The following SLU7 variants were observed in gnomAD, a reference collection of about 807,000 sequenced individuals.
The protein encoded by SLU7 is pre-mRNA-splicing factor SLU7.
In SLU7, 60 loss-of-function variants were observed where a neutral mutation model predicts 87.0. That is an observed-to-expected ratio of 0.69 (90% confidence interval 0.56 to 0.86). The LOEUF (loss-of-function observed/expected upper bound fraction) is 0.86. Among genes scored for constraint, SLU7 ranks in the 40% least tolerant of loss-of-function variants. The pLI, the probability that SLU7 is intolerant of heterozygous loss-of-function variation, is 0.00. For synonymous variants in SLU7, 197 were observed against 222.0 expected, an observed-to-expected ratio of 0.89 and a Z score of 1.00; for missense variants, 507 against 686.6, an observed-to-expected ratio of 0.74 and a Z score of 2.92.
At chr5:160,415,398 G>A (rs996025182) in intron 1 of SLU7, 88 bp from the exon 2 acceptor site, 2 of 955,110 alleles carry the variant, frequency 2.1e-6, no homozygotes, top group Non-Finnish European at 2.9e-6. Context: ...AATATATACT[G>A]TTTCATATGT....
chr5:160,414,317 A>G lies in SLU7; in HGVS notation c.324+2T>C. 6.3e-7 allele frequency: 1 copy of G among 1,592,998 alleles called. No homozygotes were observed. Among genetic ancestry groups the G allele is most frequent in the Admixed American group, 1.8e-5 (1 of 54,688 alleles). ...GAAGATGTATACAGGTTGCCTACAT[A>G]CCTCTTTTACACCCCTCTTGTACCA... On this transcript the variant is annotated splice_donor_variant, in intron 3 of 15. Coordinates refer to ENST00000297151, the MANE Select transcript of SLU7 (RefSeq NM_006425.5). LOFTEE classifies it high-confidence loss of function.
Position 160,404,475 on chromosome 5 carries a change from C to T in SLU7, c.1546G>A (p.Asp516Asn), listed in dbSNP as rs376183378. ...TTTTCATGCTTCTTTTCTTCATCAT[C>T]ACTATCTGAACTGCTCTTTCGATGC... ...KKHRKSSSDS[D>N]DEEKKHEKLK... The change falls in exon 15 of 16, where the codon GAT becomes AAT. Residue 516 changes from aspartate to asparagine, a missense_variant. Physicochemically the swap from Asp to Asn is conservative, Grantham distance 23 (BLOSUM62 1). Coordinates refer to ENST00000297151, the MANE Select transcript of SLU7 (RefSeq NM_006425.5). 2.3e-5 allele frequency: 37 copies of T among 1,605,994 alleles called. No homozygotes were observed. The African/African-American group carries it at 4.7e-4, about 20-fold the overall frequency.
intron 15 of SLU7, among the ~76,000 whole-genome samples, chr5:160,403,849 C>T (rs2910180): frequency 0.33 from 50,651 of 151,998 alleles, 8,740 homozygotes; most frequent in South Asian, 0.4. Flanking sequence ...CAATTCTTTC[C>T]GGTCAACATG....
rs1222817773 is a variant in SLU7, at chr5:160,413,942, T to C, written c.362A>G (p.Glu121Gly). ...IITKYRKGAC[E>G]NCGAMTHKKK... The stretch of plus-strand genomic sequence containing the variant: ...TTTGTGTGTCATGGCCCCACAATTT[T>C]CACATGCTCCTTTGCGGTACTTAGT... Residue 121 changes from glutamate (E) to glycine (G), a missense_variant, in exon 4 of 16, where the codon GAA (glutamate) becomes GGA (glycine). Glu to Gly is a moderately conservative substitution (Grantham distance 98). Around this residue, in one of 6 missense-constraint regions of SLU7, gnomAD observed 155 missense variants for 154.4 expected, o/e 1.00. Coordinates refer to ENST00000297151, the MANE Select transcript of SLU7 (RefSeq NM_006425.5). 6.2e-7 allele frequency: 1 copy of C among 1,601,694 alleles called. No individual in the cohort carries two copies. Among genetic ancestry groups the C allele is most frequent in the East Asian group, 2.2e-5 (1 of 44,474 alleles).
At chr5:160,404,665 G>A (rs2113098647) in intron 14 of SLU7, 109 bp from the exon 15 acceptor site, 1 of 878,058 alleles carries the variant, frequency 1.1e-6, no homozygotes, top group Non-Finnish European at 1.8e-6. Flanking sequence ...GGCGGAAGTT[G>A]CAGTGGGCCC....
chr5:160,404,381 C>A, intron 15 of SLU7, 59 bp downstream of exon 15: 1 of 1,116,432 alleles, frequency 9.0e-7, no homozygotes, highest in Non-Finnish European at 1.3e-6. Context: ...ATAAAAACAA[C>A]CCAAAAAACA....
intron 2 of SLU7, 65 bp from the exon 3 acceptor site, chr5:160,414,537 T>A: frequency 9.3e-7 from 1 of 1,070,562 alleles, no homozygotes; most frequent in Non-Finnish European, 1.3e-6. Flanking sequence ...GTATTACAAT[T>A]ACAAAGGTAG....
In SLU7 at chr5:160,403,108, T is replaced by C. The variant is rs1764854049; in HGVS notation, c.*177A>G. The C allele has an allele frequency of 2.4e-6, 1 of 410,128 alleles. No individual in the cohort carries two copies. The highest frequency in any genetic ancestry group is 2.1e-5 in the African/African-American group (1 of 48,746). The allele number at this position is 410,128 out of a possible 1,614,324, so 25.4% of individuals were successfully genotyped here. A position where few individuals can be genotyped will look rare whatever the true frequency, so the allele number is the denominator to read the frequency against. On this transcript the variant is annotated 3_prime_UTR_variant, in exon 16 of 16. Coordinates refer to ENST00000297151, the MANE Select transcript of SLU7 (RefSeq NM_006425.5). The stretch of plus-strand genomic sequence containing the variant: ...AAAAGCACACTTCATGTGCCTCTTC[T>C]TCTTTTCTTGTTTCCTCAGTATGGA...
chr5:160,407,376 G>A lies in SLU7; in HGVS notation c.1125+100C>T, dbSNP rs1765055145. On this transcript the variant is annotated intron_variant, in intron 11 of 15. Coordinates refer to ENST00000297151, the MANE Select transcript of SLU7 (RefSeq NM_006425.5). This position sits in a 1 kb window ranked among gnomAD's most constrained non-coding sequence, Gnocchi z 4.2. ...AAGGACTATTCTTCATGGATTAAGAGGGCTCTCTTTGCATTATTTTCCAAA... is the reference window on the plus strand; with the variant it reads ...AAGGACTATTCTTCATGGATTAAGAAGGCTCTCTTTGCATTATTTTCCAAA... 1 of 996,488 alleles carries A rather than the reference G, an allele frequency of 1.0e-6. No homozygotes were observed. The highest frequency in any genetic ancestry group is 2.5e-5 in the East Asian group (1 of 40,078). 61.7% of individuals were successfully genotyped at this position (996,488 alleles called of 1,614,324 possible). A position where few individuals can be genotyped will look rare whatever the true frequency, so the allele number is the denominator to read the frequency against.
intron 12 of SLU7, 150 bp from the exon 13 acceptor site, chr5:160,405,285 T>C: frequency 1.7e-6 from 1 of 605,332 alleles, no homozygotes; most frequent in Non-Finnish European, 2.9e-6. Flanking sequence ...AGGGAGAAGG[T>C]AGTCTGACCT....
At position 160,403,092 on chromosome 5, in the gene SLU7, C is replaced by T. The variant is rs1445103114; in HGVS notation, c.*193G>A. 6 of 396,490 alleles carry T rather than the reference C, an allele frequency of 1.5e-5. No homozygotes were observed. The highest frequency in any genetic ancestry group is 4.4e-5 in the Admixed American group (1 of 22,542). 24.6% of individuals were successfully genotyped at this position (396,490 alleles called of 1,614,324 possible). ...TTTAAATTCTATTCCCAAAAGCACACTTCATGTGCCTCTTCTTCTTTTCTT... is the reference window on the plus strand; with the variant it reads ...TTTAAATTCTATTCCCAAAAGCACATTTCATGTGCCTCTTCTTCTTTTCTT... On this transcript the variant is annotated 3_prime_UTR_variant, in exon 16 of 16. Transcript: ENST00000297151.
In SLU7 at chr5:160,404,689, C is replaced by T. The variant is rs375584370; in HGVS notation, c.1464+120G>A. The T allele has an allele frequency of 6.5e-5, 58 of 889,144 alleles. 2 individuals carry two copies. In the South Asian group the frequency reaches 6.7e-4, roughly 10 times the overall value. The allele number at this position is 889,144 out of a possible 1,614,324, so 55.1% of individuals were successfully genotyped here. On this transcript the variant is annotated intron_variant, in intron 14 of 15. Transcript: ENST00000297151. ...TGCAGTGGGCCCAGACCGTGCACTG[C>T]GCTCGAGCCTGGGCGACAGAATGAG...
chr5:160,414,732 T>C (rs192949865), intron 2 of SLU7, among the ~76,000 whole-genome samples: 1 of 151,932 alleles, frequency 6.6e-6, no homozygotes, highest in African/African-American at 2.4e-5. Flanking sequence ...GGAAGGAAAA[T>C]AGAGATGTGT....
chr5:160,402,389 A>C lies in SLU7; in HGVS notation c.*896T>G, dbSNP rs1004717577. 2.0e-5 allele frequency: 3 copies of C among 152,156 alleles called. No individual in the cohort carries two copies. Among genetic ancestry groups the C allele is most frequent in the Non-Finnish European group, 4.4e-5 (3 of 68,002 alleles). The allele number at this position is 152,156 out of a possible 1,614,324, so 9.4% of individuals were successfully genotyped here. On this transcript the variant is annotated 3_prime_UTR_variant, in exon 16 of 16. Transcript: ENST00000297151. ...ATAGTTGTTTTCCATTCAAAGACTA[A>C]CACATTTAGTCTACTCCAGAGGCCA...
In SLU7 at chr5:160,407,503, T is replaced by C; in HGVS notation, c.1098A>G (p.Glu366=). 1 of 1,611,348 alleles carries C rather than the reference T, an allele frequency of 6.2e-7. No individual in the cohort carries two copies. Among genetic ancestry groups the C allele is most frequent in the Non-Finnish European group, 8.5e-7 (1 of 1,179,186 alleles). ...SFKVKKEDFK[E]QQKESILEKY... ...TTTCCAGGATGCTTTCTTTCTGCTG[T>C]TCTTTGAAATCTTCTTTTTTGACTT... The change falls in exon 11 of 16, where the codon GAA becomes GAG. Residue 366 remains glutamate (E), a synonymous_variant. Transcript: ENST00000297151. The surrounding 1 kb of genome is among the most constrained non-coding windows in gnomAD (Gnocchi z 4.2).
At chr5:160,404,249 C>T (rs939261850) in intron 15 of SLU7, among the ~76,000 whole-genome samples, 191 bp downstream of exon 15, 10 of 152,228 alleles carry the variant, frequency 6.6e-5, no homozygotes, top group South Asian at 4.2e-4. Context: ...CCTGTAATAC[C>T]GGCTACTTGG....
At chr5:160,415,899 CT>C (rs143840615) in intron 1 of SLU7, among the ~76,000 whole-genome samples, 11 of 148,368 alleles carry the variant, frequency 7.4e-5, no homozygotes, top group Non-Finnish European at 9.0e-5. Context: ...TTTTCTTTTT[CT>C]TTTTTTTTTA....
At position 160,414,095 on chromosome 5, in the gene SLU7, G is replaced by T. The variant is rs1186297391; in HGVS notation, c.325-116C>A. The T allele has an allele frequency of 9.7e-6, 7 of 724,670 alleles. No homozygotes were observed. The East Asian group carries it at 2.1e-4, about 21-fold the overall frequency. The allele number at this position is 724,670 out of a possible 1,614,324, so 44.9% of individuals were successfully genotyped here. ...GATTTCTTTGTTAAAAGGAAAATAA[G>T]TTAGAGTCTCCACACATTTATAAAT... is the stretch of plus-strand genomic sequence containing the variant. On this transcript the variant is annotated intron_variant, in intron 3 of 15. Transcript: ENST00000297151.
intron 12 of SLU7, 70 bp downstream of exon 12, chr5:160,406,398 G>A (rs1252072203): frequency 9.1e-7 from 1 of 1,095,774 alleles, no homozygotes; most frequent in African/African-American, 1.6e-5. Context: ...AGCTAATAAA[G>A]TTGTAGTGGA....
Sources: allele counts gnomAD v4.1 joint callset (sites outside exome capture counted in the v4.1 genomes callset), GRCh38; gene constraint gnomAD v4.1.1; regional missense constraint gnomAD v4.1.1; non-coding constraint Gnocchi (gnomAD v3.1); transcripts MANE v1.5; gene names NCBI Gene and HGNC (gene_info 2026-07-23, HGNC 2026-07-21).